HECW2: variants seen among roughly 807,000 people sequenced by gnomAD.
HECW2 encodes the protein HECT, C2 and WW domain containing E3 ubiquitin protein ligase 2.
A neutral mutation model predicts 175.2 loss-of-function variants in HECW2; 61 were observed. That is an observed-to-expected ratio of 0.35 (90% CI 0.28 to 0.43). The LOEUF is 0.43. HECW2 is among the 20% of genes least tolerant of loss of function. The pLI, the probability that HECW2 is intolerant of heterozygous loss-of-function variation, is 1.00. For synonymous variants in HECW2, 671 were observed against 731.0 expected (o/e 0.92, Z 1.32); for missense variants, 1,524 against 2,000.5 (o/e 0.76, Z 4.54).
chr2:196,486,180 C>G (rs116793023), intron 1 of HECW2, among the ~76,000 whole-genome samples: 1 of 152,134 alleles, frequency 6.6e-6, no homozygotes, highest in Non-Finnish European at 1.5e-5. Flanking sequence ...AGGAAGGAAG[C>G]TTAATAGAAG....
chr2:196,272,990 A>AT (rs778660225), intron 16 of HECW2, among the ~76,000 whole-genome samples: 53 of 144,698 alleles, frequency 3.7e-4, no homozygotes, highest in East Asian at 3.0e-3. Flanking sequence ...ATTTCATGAC[A>AT]TTTTTTTTTT....
intron 1 of HECW2, among the ~76,000 whole-genome samples, chr2:196,466,349 A>G (rs963174832): frequency 3.9e-5 from 6 of 152,166 alleles, no homozygotes; most frequent in Non-Finnish European, 7.3e-5. Context: ...CTTTCCTCCA[A>G]ATATTTCCCT....
At chr2:196,302,856 C>T (rs189797227) in intron 13 of HECW2, among the ~76,000 whole-genome samples, 110 of 152,320 alleles carry the variant, frequency 7.2e-4, no homozygotes, top group African/African-American at 2.4e-3. Context: ...ATGTCATCTG[C>T]AAACAAAGAT....
intron 1 of HECW2, among the ~76,000 whole-genome samples, chr2:196,520,435 G>A (rs977129759): frequency 2.0e-5 from 3 of 152,232 alleles, no homozygotes; most frequent in Middle Eastern, 3.4e-3. Context: ...TGCAATTGCC[G>A]CAGGAAAAAC....
At chr2:196,331,177 T>C (rs1303413061) in intron 4 of HECW2, 8 of 985,330 alleles carry the variant, frequency 8.1e-6, no homozygotes, top group Non-Finnish European at 9.6e-6. Flanking sequence ...CCAGGGTCCA[T>C]CCAGGTATCT....
intron 1 of HECW2, among the ~76,000 whole-genome samples, chr2:196,480,520 G>A (rs1034432955): frequency 2.0e-5 from 3 of 152,164 alleles, no homozygotes; most frequent in African/African-American, 2.4e-5. Flanking sequence ...CACAGTGATG[G>A]GTTCTTGGAT....
chr2:196,288,364 A>G (rs1369953156), intron 14 of HECW2: 1 of 152,344 alleles, frequency 6.6e-6, no homozygotes, highest in Non-Finnish European at 1.5e-5. Context: ...ATACAGAAAC[A>G]GAGAACATTC....
chr2:196,202,007 T>C (rs1437603993), intron 28 of HECW2, among the ~76,000 whole-genome samples: 1 of 152,198 alleles, frequency 6.6e-6, no homozygotes, highest in Non-Finnish European at 1.5e-5. Context: ...ATTTAAATCA[T>C]TACATTAAGT....
intron 28 of HECW2, among the ~76,000 whole-genome samples, 172 bp downstream of exon 28, chr2:196,215,693 G>C (rs377305932): frequency 6.6e-5 from 10 of 152,332 alleles, no homozygotes; most frequent in African/African-American, 2.4e-4. Flanking sequence ...AGTGTGACCA[G>C]AGAGATCTTT....
At chr2:196,228,309 G>T in intron 21 of HECW2, 55 bp from the exon 22 acceptor site, 2 of 1,528,486 alleles carry the variant, frequency 1.3e-6, no homozygotes, top group Non-Finnish European at 1.8e-6. Flanking sequence ...TAGATATTGG[G>T]CAGTTTTTCT....
Position 196,242,119 on chromosome 2 carries a change from C to A in HECW2, c.3615G>T (p.Glu1205Asp), listed in dbSNP as rs775562232. The change falls in exon 20 of 29, where the codon GAG (glutamate) becomes GAT (aspartate). Residue 1205 changes from glutamate to aspartate, a missense_variant. Glu to Asp is a conservative substitution (Grantham distance 45). This residue lies in a region of HECW2 where 291 missense variants were observed against 412.2 expected (regional missense o/e 0.71). Transcript: ENST00000644978. ...AKLRNFYRKL[E>D]TKGYGQGPGK... ...CTGGGCCTTGTCCATATCCTTTAGT[C>A]TCTAACTTCCTGTAAAAGTTCCTCA... 5 of 1,614,064 alleles carry A rather than the reference C, an allele frequency of 3.1e-6. No individual in the cohort carries two copies. The highest frequency in any genetic ancestry group is 4.2e-6 in the Non-Finnish European group (5 of 1,180,022).
intron 21 of HECW2, among the ~76,000 whole-genome samples, chr2:196,234,445 A>G (rs1219115638): frequency 6.6e-6 from 1 of 151,904 alleles, no homozygotes; most frequent in African/African-American, 2.4e-5. Context: ...AAGCCATCAC[A>G]ACCAGCTAAT....
chr2:196,516,662 AC>A, intron 1 of HECW2, among the ~76,000 whole-genome samples: 2 of 152,290 alleles, frequency 1.3e-5, no homozygotes, highest in Middle Eastern at 6.8e-3. Flanking sequence ...ATATTGATCT[AC>A]CCCAAACTGC....
At chr2:196,262,809 C>T (rs975129739) in intron 17 of HECW2, among the ~76,000 whole-genome samples, 3 of 152,152 alleles carry the variant, frequency 2.0e-5, no homozygotes, top group Non-Finnish European at 4.4e-5. Flanking sequence ...CCACCCACCT[C>T]GGCCTCCCAA....
At chr2:196,355,815 TA>T (rs1693345155) in intron 2 of HECW2, among the ~76,000 whole-genome samples, 1 of 152,088 alleles carries the variant, frequency 6.6e-6, no homozygotes, top group Non-Finnish European at 1.5e-5. Context: ...AGCAAAAATG[TA>T]ATGTCAAGTA....
chr2:196,504,201 CAG>C (rs984465697), intron 1 of HECW2, among the ~76,000 whole-genome samples: 1 of 149,872 alleles, frequency 6.7e-6, no homozygotes, highest in Non-Finnish European at 1.5e-5. Flanking sequence ...GAGGCTGAGG[CAG>C]GAGAATCACT....
intron 2 of HECW2, among the ~76,000 whole-genome samples, chr2:196,381,633 A>G (rs1694209924): frequency 1.3e-5 from 2 of 152,160 alleles, no homozygotes; most frequent in South Asian, 4.2e-4. Context: ...CAGGAGGGCA[A>G]GAGTTTCCCA....
At chr2:196,360,847 T>C (rs543101867) in intron 2 of HECW2, among the ~76,000 whole-genome samples, 2 of 152,246 alleles carry the variant, frequency 1.3e-5, no homozygotes, top group Non-Finnish European at 2.9e-5. Context: ...ACTGCTCATG[T>C]AAGTCTTTAC....
chr2:196,587,164 T>A (rs1023176633), intron 1 of HECW2, among the ~76,000 whole-genome samples: 2 of 152,244 alleles, frequency 1.3e-5, no homozygotes, highest in African/African-American at 4.8e-5. Context: ...TACATTAATT[T>A]TATAAAGGAA....
Sources: allele counts gnomAD v4.1 joint callset (sites outside exome capture counted in the v4.1 genomes callset), GRCh38; gene constraint gnomAD v4.1.1; regional missense constraint gnomAD v4.1.1; transcripts MANE v1.5; gene names NCBI Gene and HGNC (gene_info 2026-07-23, HGNC 2026-07-21).